The following IL1B variants were observed in gnomAD, a reference collection of about 807,000 sequenced individuals.
IL1B encodes interleukin-1 beta.
In IL1B, 11 loss-of-function variants were observed where a neutral mutation model predicts 26.2. The observed-to-expected ratio is 0.42, with a 90% CI of 0.26 to 0.70. The LOEUF (loss-of-function observed/expected upper bound fraction) is 0.70, where lower values mean the gene tolerates loss of function less well. Among genes scored for constraint, IL1B ranks in the 30% least tolerant of loss-of-function variants. The probability of loss-of-function intolerance (pLI) is 0.25; values close to 1 mark genes in which losing one functional copy is unlikely to be tolerated. For synonymous variants in IL1B, 118 were observed against 120.8 expected (o/e 0.98, Z 0.15); for missense variants, 255 against 327.5 (o/e 0.78, Z 1.71).
chr2:112,832,612 T>C (rs1239098483), intron 5 of IL1B, 50 bp downstream of exon 5: 1 of 1,574,006 alleles, frequency 6.4e-7, no homozygotes, highest in Non-Finnish European at 8.7e-7. Context: ...CATGGAGAAT[T>C]AGCAAGCTGC....
At position 112,829,815 on chromosome 2, in the gene IL1B, A is replaced by C. The variant is rs1323051964; in HGVS notation, c.*546T>G. The C allele has an allele frequency of 6.4e-6, 1 of 155,398 alleles. No individual in the cohort carries two copies. Among genetic ancestry groups the C allele is most frequent in the Non-Finnish European group, 1.4e-5 (1 of 70,034 alleles). The allele number at this position is 155,398 out of a possible 1,614,324, so 9.6% of individuals were successfully genotyped here. On this transcript the variant is annotated 3_prime_UTR_variant, in exon 7 of 7. Transcript: ENST00000263341. ...ACAGTATGATATTTGCTCATTTATA[A>C]ATATTCCCATTTAAATAATCTGAGC...
chr2:112,836,462 G>A, intron 1 of IL1B: 6 of 500,268 alleles, frequency 1.2e-5, no homozygotes, highest in South Asian at 1.2e-4. Context: ...CAGAGGCTTT[G>A]ACACTAACCT....
At chr2:112,830,894 A>G (rs1404653329) in intron 6 of IL1B, among the ~76,000 whole-genome samples, 10 of 151,928 alleles carry the variant, frequency 6.6e-5, no homozygotes, top group African/African-American at 2.4e-4. Context: ...TTATGGTCCT[A>G]GAATGACATC....
chr2:112,836,105 G>A (rs1482176169), intron 2 of IL1B, 78 bp downstream of exon 2: 3 of 1,385,380 alleles, frequency 2.2e-6, no homozygotes, highest in Non-Finnish European at 3.1e-6. Context: ...GGAAAAATCT[G>A]GTCTCCAAGC....
intron 3 of IL1B, among the ~76,000 whole-genome samples, chr2:112,834,914 G>A (rs1682060452): frequency 6.6e-6 from 1 of 152,286 alleles, no homozygotes; most frequent in South Asian, 2.1e-4. Flanking sequence ...TCTGAAAAAT[G>A]ACCATTTGCT....
At chr2:112,831,640 C>T (rs747970489) in intron 5 of IL1B, among the ~76,000 whole-genome samples, 1 of 152,148 alleles carries the variant, frequency 6.6e-6, no homozygotes, top group Admixed American at 6.5e-5. Context: ...GAGGGTTTCT[C>T]AGAGCCTCAT....
Position 112,830,478 on chromosome 2 carries a change from G to T in IL1B, c.693C>A (p.Ala231=), listed in dbSNP as rs140343610. 16 of 1,613,834 alleles carry T rather than the reference G, an allele frequency of 9.9e-6. No individual in the cohort carries two copies. In the African/African-American group the frequency reaches 1.9e-4, roughly 19 times the overall value. Residue 231 remains alanine, a synonymous_variant, in exon 7 of 7, where the codon GCC becomes GCA. Coordinates refer to ENST00000263341, the MANE Select transcript of IL1B (RefSeq NM_000576.3). ...TGCTGATGTACCAGTTGGGGAACTG[G>T]GCAGACTCAAATTCCAGCTTGTTAT... The part of the protein sequence containing the change: ...EINNKLEFES[A]QFPNWYISTS...
At position 112,835,547 on chromosome 2, in the gene IL1B, G is replaced by A. The variant is rs974184770; in HGVS notation, c.99+19C>T. The A allele has an allele frequency of 2.5e-6, 4 of 1,605,500 alleles. No homozygotes were observed. Among genetic ancestry groups the A allele is most frequent in the Non-Finnish European group, 3.4e-6 (4 of 1,172,202 alleles). The stretch of plus-strand genomic sequence containing the variant: ...GTTAGAGCCCTTCCTTGGGTTGGGA[G>A]TTAAACCCATAGTCTTACCTTCATC... On this transcript the variant is annotated intron_variant, in intron 3 of 6. Coordinates refer to ENST00000263341, the MANE Select transcript of IL1B (RefSeq NM_000576.3).
chr2:112,832,443 C>A (rs1214900651), intron 5 of IL1B, among the ~76,000 whole-genome samples: 2 of 152,094 alleles, frequency 1.3e-5, no homozygotes, highest in Non-Finnish European at 2.9e-5. Context: ...AGTGCTTGAG[C>A]CGTCTAATTT....
intron 3 of IL1B, among the ~76,000 whole-genome samples, chr2:112,834,386 A>G (rs1430540717): frequency 6.6e-6 from 1 of 152,186 alleles, no homozygotes; most frequent in Non-Finnish European, 1.5e-5. Flanking sequence ...ACTGTCTCAT[A>G]GGCATTCTGC....
In IL1B at chr2:112,830,316, G is replaced by T; in HGVS notation, c.*45C>A. ...CTGTTCCCTTTCTGCCAGCCCTAGG[G>T]ATTGAGTCCACATTCAGCACAGGAC... On this transcript the variant is annotated 3_prime_UTR_variant, in exon 7 of 7. Transcript: ENST00000263341. The T allele has an allele frequency of 1.3e-6, 2 of 1,496,760 alleles. No homozygotes were observed. The highest frequency in any genetic ancestry group is 1.9e-6 in the Non-Finnish European group (2 of 1,073,442). The allele number at this position is 1,496,760 out of a possible 1,614,324, so 92.7% of individuals were successfully genotyped here.
chr2:112,833,604 G>A, intron 3 of IL1B, 29 bp from the exon 4 acceptor site: 3 of 1,602,188 alleles, frequency 1.9e-6, no homozygotes, highest in Non-Finnish European at 1.7e-6. Flanking sequence ...AGGGAGCCTG[G>A]TGAGGTGGTC....
chr2:112,833,238 G>C, intron 4 of IL1B, 136 bp downstream of exon 4: 1 of 797,572 alleles, frequency 1.3e-6, no homozygotes, highest in Non-Finnish European at 2.2e-6. Flanking sequence ...TTGGTTTCCA[G>C]CCTTCTTTGT....
intron 3 of IL1B, chr2:112,835,291 G>C (rs1318965343): frequency 1.9e-6 from 1 of 521,994 alleles, no homozygotes; most frequent in African/African-American, 1.9e-5. Flanking sequence ...TTGAAGACTT[G>C]GTTGTCTTCC....
Position 112,836,219 on chromosome 2 carries a change from A to C in IL1B, c.11T>G (p.Val4Gly). ...CATCATTTCACTGGCGAGCTCAGGT[A>C]CTTCTGCCATGGCTGCTTCAGACAC... MAE[V>G]PELASEMMAY... Residue 4 changes from valine (V) to glycine (G), a missense_variant, in exon 2 of 7, where the codon GTA (valine) becomes GGA (glycine). Physicochemically the swap from Val to Gly is moderately radical, Grantham distance 109. Transcript: ENST00000263341. The C allele has an allele frequency of 6.2e-7, 1 of 1,613,718 alleles. No homozygotes were observed. The highest frequency in any genetic ancestry group is 8.5e-7 in the Non-Finnish European group (1 of 1,179,620).
chr2:112,831,292 C>T lies in IL1B; in HGVS notation c.597G>A (p.Glu199=), dbSNP rs1456103647. 6.2e-7 allele frequency: 1 copy of T among 1,613,838 alleles called. No individual in the cohort carries two copies. The highest frequency in any genetic ancestry group is 2.2e-5 in the East Asian group (1 of 44,890). Residue 199 remains glutamate, a splice_region_variant and synonymous_variant, in exon 6 of 7, where the codon GAG becomes GAA. Coordinates refer to ENST00000263341, the MANE Select transcript of IL1B (RefSeq NM_000576.3). ...LKDDKPTLQL[E]SVDPKNYPKK... is the part of the protein sequence containing the mutation. ...GCTTCATTCCATAGCATTCACTTAC[C>T]TCCAGCTGTAGAGTGGGCTTATCAT...
intron 5 of IL1B, among the ~76,000 whole-genome samples, chr2:112,831,968 C>CT (rs1396122121): frequency 6.6e-6 from 1 of 152,198 alleles, no homozygotes; most frequent in Non-Finnish European, 1.5e-5. Context: ...TGGGATCACT[C>CT]TTACTACCCG....
At chr2:112,836,357 G>T in intron 1 of IL1B, 113 bp from the exon 2 acceptor site, 1 of 797,552 alleles carries the variant, frequency 1.3e-6, no homozygotes. Flanking sequence ...CTGAGTAAAT[G>T]AATGAATGTG....
chr2:112,829,926 C>G lies in IL1B; in HGVS notation c.*435G>C, dbSNP rs1681948303. The stretch of plus-strand genomic sequence containing the variant: ...GAATTGATTCCATAGCTATTAAAAA[C>G]TAGGCTCTTTTACAGACACTGCTAC... On this transcript the variant is annotated 3_prime_UTR_variant, in exon 7 of 7. Transcript: ENST00000263341. 5.7e-6 allele frequency: 1 copy of G among 173,928 alleles called. No homozygotes were observed. The highest frequency in any genetic ancestry group is 2.4e-5 in the African/African-American group (1 of 41,790). The allele number at this position is 173,928 out of a possible 1,614,324, so 10.8% of individuals were successfully genotyped here.
Sources: allele counts gnomAD v4.1 joint callset (sites outside exome capture counted in the v4.1 genomes callset), GRCh38; gene constraint gnomAD v4.1.1; transcripts MANE v1.5; gene names NCBI Gene and HGNC (gene_info 2026-07-23, HGNC 2026-07-21).